ACAT2: variants seen among roughly 807,000 people sequenced by gnomAD.
ACAT2 encodes acetyl-CoA acetyltransferase, cytosolic.
In ACAT2, 26 loss-of-function variants were observed where a neutral mutation model predicts 37.1. That is an observed-to-expected ratio of 0.70 (90% CI 0.51 to 0.97). The LOEUF (loss-of-function observed/expected upper bound fraction) is 0.97. ACAT2 is among the 50% of genes least tolerant of loss of function. ACAT2 has a pLI of 0.00. For synonymous variants in ACAT2, 156 were observed against 163.6 expected, an observed-to-expected ratio of 0.95 and a Z score of 0.35; for missense variants, 468 against 489.0, an observed-to-expected ratio of 0.96 and a Z score of 0.40.
chr6:159,778,714 G>C lies in ACAT2; in HGVS notation c.1079G>C (p.Cys360Ser), dbSNP rs1167817252. ...ALGHPLGASG[C>S]RILVTLLHTL... ...GGCCACCCTCTTGGAGCATCTGGCTGTCGAATTCTTGTGACCCTGTTACAC... is the reference window on the plus strand; with the variant it reads ...GGCCACCCTCTTGGAGCATCTGGCTCTCGAATTCTTGTGACCCTGTTACAC... Residue 360 changes from cysteine (C) to serine (S), a missense_variant, in exon 9 of 9, where the codon TGT becomes TCT. Coordinates refer to ENST00000367048, the MANE Select transcript of ACAT2 (RefSeq NM_005891.3). 6.2e-7 allele frequency: 1 copy of C among 1,614,130 alleles called. No homozygotes were observed. The highest frequency in any genetic ancestry group is 1.3e-5 in the African/African-American group (1 of 74,946).
chr6:159,768,842 C>G (rs1780294945), intron 4 of ACAT2, among the ~76,000 whole-genome samples: 1 of 152,190 alleles, frequency 6.6e-6, no homozygotes, highest in African/African-American at 2.4e-5. Flanking sequence ...CCTCAGAGTT[C>G]TTCTGGATCA....
chr6:159,777,538 C>G, intron 7 of ACAT2, 82 bp downstream of exon 7: 10 of 1,396,568 alleles, frequency 7.2e-6, no homozygotes, highest in Non-Finnish European at 9.6e-6. Context: ...TAGCTCTAGT[C>G]TTTCCCTACC....
Position 159,778,881 on chromosome 6 carries a change from A to G in ACAT2, c.*52A>G. On this transcript the variant is annotated 3_prime_UTR_variant, in exon 9 of 9. Coordinates refer to ENST00000367048, the MANE Select transcript of ACAT2 (RefSeq NM_005891.3). ...TTTCTTTTTAAACTAATAAAGTACT[A>G]GGTTGCAATATGTGAAATCAGAGGA... The G allele has an allele frequency of 6.2e-7, 1 of 1,607,884 alleles. No individual in the cohort carries two copies. Among genetic ancestry groups the G allele is most frequent in the Non-Finnish European group, 8.5e-7 (1 of 1,175,756 alleles).
At position 159,777,121 on chromosome 6, in the gene ACAT2, G is replaced by C. The variant is rs542404815; in HGVS notation, c.758-181G>C. ...GTAATCCTACCACTTTCTCTAGTTG[G>C]AAAGTTTTGTGGTCAATATATTGCC... is the stretch of plus-strand genomic sequence containing the variant. On this transcript the variant is annotated intron_variant, in intron 6 of 8. Transcript: ENST00000367048. 2.0e-5 allele frequency among the ~76,000 whole-genome samples: 3 copies of C among 152,320 alleles called. No individual in the cohort carries two copies. In the East Asian group the frequency reaches 5.8e-4, roughly 29 times the overall value.
rs920304425 is a variant in ACAT2 at position 159,778,934 on chromosome 6, A to G, written c.*105A>G. On this transcript the variant is annotated 3_prime_UTR_variant, in exon 9 of 9. Coordinates refer to ENST00000367048, the MANE Select transcript of ACAT2 (RefSeq NM_005891.3). ...AAAGTACAGATGGAAACCATTTCCT[A>G]CATCACAAAAACCCAAGTTTACAGC... The G allele has an allele frequency of 3.0e-5, 47 of 1,564,354 alleles. No homozygotes were observed. The highest frequency in any genetic ancestry group is 3.7e-5 in the Non-Finnish European group (43 of 1,150,424).
intron 1 of ACAT2, 197 bp downstream of exon 1, chr6:159,762,339 C>A: frequency 8.1e-7 from 1 of 1,242,086 alleles, no homozygotes; most frequent in Non-Finnish European, 1.1e-6. Context: ...CCTCTCCTCT[C>A]CCGATGTGCG....
At chr6:159,775,352 T>C in intron 5 of ACAT2, 39 bp downstream of exon 5, 2 of 1,593,854 alleles carry the variant, frequency 1.3e-6, no homozygotes, top group South Asian at 1.1e-5. Flanking sequence ...AACCTATTTA[T>C]AGGTAAGAGT....
intron 6 of ACAT2, 65 bp from the exon 7 acceptor site, chr6:159,777,237 G>C (rs1389540904): frequency 6.5e-7 from 1 of 1,537,128 alleles, no homozygotes; most frequent in Non-Finnish European, 8.8e-7. Context: ...AGGTGGTAAA[G>C]AAGCCACAGA....
intron 2 of ACAT2, among the ~76,000 whole-genome samples, chr6:159,765,196 A>T (rs1780234254): frequency 6.6e-6 from 1 of 151,528 alleles, no homozygotes; most frequent in Non-Finnish European, 1.5e-5. Flanking sequence ...GCTCACTGCA[A>T]CCTCTGCCTC....
At chr6:159,766,458 A>T (rs1780257673) in intron 2 of ACAT2, among the ~76,000 whole-genome samples, 1 of 151,720 alleles carries the variant, frequency 6.6e-6, no homozygotes, top group Admixed American at 6.6e-5. Context: ...CTGGAGTGTA[A>T]TGGTGTGATC....
chr6:159,769,006 G>A (rs1451793985), intron 4 of ACAT2, among the ~76,000 whole-genome samples: 1 of 152,196 alleles, frequency 6.6e-6, no homozygotes, highest in African/African-American at 2.4e-5. Flanking sequence ...GAAGGGTCCT[G>A]TGGTCTAAGT....
At chr6:159,777,546 AC>A in intron 7 of ACAT2, 90 bp downstream of exon 7, 1 of 1,360,788 alleles carries the variant, frequency 7.3e-7, no homozygotes, top group Non-Finnish European at 9.9e-7. Flanking sequence ...GTCTTTCCCT[AC>A]CAGAAGAGTA....
chr6:159,778,364 T>TA (rs1780473677), intron 8 of ACAT2, 84 bp downstream of exon 8: 1 of 920,144 alleles, frequency 1.1e-6, no homozygotes, highest in African/African-American at 1.8e-5. Flanking sequence ...GTGTTGGCCA[T>TA]GTGGGTAATA....
Position 159,779,052 on chromosome 6 carries a change from T to G in ACAT2, c.*223T>G, listed in dbSNP as rs1062660. On this transcript the variant is annotated 3_prime_UTR_variant, in exon 9 of 9. Transcript: ENST00000367048. ...AATAAAAGGAACATCAGATCAATCA[T>G]TAAGGGCTCCAGAGTGAACAGCATC... The G allele has an allele frequency of 6.2e-7, 1 of 1,613,130 alleles. No homozygotes were observed. Among genetic ancestry groups the G allele is most frequent in the Non-Finnish European group, 8.5e-7 (1 of 1,179,280 alleles).
intron 7 of ACAT2, among the ~76,000 whole-genome samples, 190 bp downstream of exon 7, chr6:159,777,646 C>A (rs1780448163): frequency 1.3e-5 from 2 of 152,158 alleles, no homozygotes; most frequent in Admixed American, 6.5e-5. Flanking sequence ...CTCACTGCAG[C>A]CTCAAAACTC....
intron 4 of ACAT2, among the ~76,000 whole-genome samples, chr6:159,771,171 C>T (rs758407396): frequency 1.6e-4 from 24 of 152,132 alleles, no homozygotes; most frequent in Middle Eastern, 6.8e-3. Flanking sequence ...CACCTGAGGT[C>T]GGGAGTTTGA....
Position 159,776,220 on chromosome 6 carries a change from G to A in ACAT2, c.705G>A (p.Lys235=). The A allele has an allele frequency of 6.2e-7, 1 of 1,614,100 alleles. No individual in the cohort carries two copies. The highest frequency in any genetic ancestry group is 1.6e-4 in the Middle Eastern group (1 of 6,062). The change falls in exon 6 of 9, where the codon AAG becomes AAA. Residue 235 remains lysine (K), a synonymous_variant. Coordinates refer to ENST00000367048, the MANE Select transcript of ACAT2 (RefSeq NM_005891.3). The part of the protein sequence containing the change: ...GSNIEAMSKL[K]PYFLTDGTGT... ...ACATAGAAGCCATGTCCAAGCTAAA[G>A]CCTTACTTTCTTACTGATGGAACGG...
Position 159,776,285 on chromosome 6 carries a change from G to C in ACAT2, c.757+13G>C. The C allele has an allele frequency of 6.2e-7, 1 of 1,613,152 alleles. No homozygotes were observed. The highest frequency in any genetic ancestry group is 8.5e-7 in the Non-Finnish European group (1 of 1,179,652). ...GCCAATGCTTCAGGTTAGATTTTCT[G>C]AAGGACATCTGGGGGAATACTATGT... On this transcript the variant is annotated intron_variant, in intron 6 of 8. Transcript: ENST00000367048.
chr6:159,771,124 G>A (rs1376243344), intron 4 of ACAT2, among the ~76,000 whole-genome samples: 1 of 151,890 alleles, frequency 6.6e-6, no homozygotes, highest in East Asian at 1.9e-4. Context: ...GCTCATGCCT[G>A]TAATCCCAGC....
Sources: gnomAD v4.1 joint callset for allele counts (sites outside exome capture counted in the v4.1 genomes callset) on GRCh38, gnomAD v4.1.1 for gene constraint, MANE v1.5 for transcripts, NCBI Gene and HGNC (gene_info 2026-07-23, HGNC 2026-07-21) for gene names.